The following ATRNL1 variants were observed in gnomAD, a reference collection of about 807,000 sequenced individuals.
ATRNL1 encodes attractin like 1, also known as attractin-like protein 1.
A neutral mutation model predicts 182.7 loss-of-function variants in ATRNL1; 95 were observed. The ratio of observed to expected loss-of-function variants is 0.52; its 90% confidence interval spans 0.44 to 0.62. The LOEUF is 0.62. Ranked by LOEUF, ATRNL1 falls within the 20% of genes least tolerant of loss-of-function variation. The pLI is 0.00. For missense variants in ATRNL1, 1,471 were observed against 1,679.5 expected (o/e 0.88, Z 2.17); for synonymous variants, 576 against 568.3 (o/e 1.01, Z -0.19).
chr10:115,728,004 G>A (rs112596924), intron 27 of ATRNL1, among the ~76,000 whole-genome samples: 3 of 150,930 alleles, frequency 2.0e-5, no homozygotes, highest in African/African-American at 4.9e-5. Context: ...GGCCGGGCGC[G>A]GTGGCTCACA....
At chr10:115,414,998 A>T (rs1554960611) in intron 20 of ATRNL1, among the ~76,000 whole-genome samples, 1 of 152,058 alleles carries the variant, frequency 6.6e-6, no homozygotes, top group Non-Finnish European at 1.5e-5. Context: ...CGCTACACTG[A>T]ATAAACTCGT....
At chr10:115,317,120 A>G (rs145587139) in intron 18 of ATRNL1, among the ~76,000 whole-genome samples, 1,961 of 152,272 alleles carry the variant, frequency 0.013, 38 homozygotes, top group African/African-American at 0.044. Context: ...GTCCAGTTTC[A>G]GTTTTCTGCA....
At chr10:115,461,227 A>G (rs1411295147) in intron 21 of ATRNL1, among the ~76,000 whole-genome samples, 2 of 152,096 alleles carry the variant, frequency 1.3e-5, no homozygotes, top group Non-Finnish European at 2.9e-5. Flanking sequence ...TAAAAGTAGC[A>G]GTTTAATGTT....
intron 26 of ATRNL1, among the ~76,000 whole-genome samples, chr10:115,592,988 A>G (rs1266363418): frequency 2.6e-5 from 4 of 152,146 alleles, no homozygotes; most frequent in African/African-American, 7.2e-5. Context: ...TTGTGTCACT[A>G]TAACCACAGA....
At chr10:115,405,350 A>T (rs2134317068) in intron 20 of ATRNL1, among the ~76,000 whole-genome samples, 1 of 152,328 alleles carries the variant, frequency 6.6e-6, no homozygotes, top group South Asian at 2.1e-4. Flanking sequence ...AACTACTGCT[A>T]TACACTAGTA....
At chr10:115,553,742 T>C (rs912221649) in intron 26 of ATRNL1, among the ~76,000 whole-genome samples, 1 of 151,442 alleles carries the variant, frequency 6.6e-6, no homozygotes, top group African/African-American at 2.4e-5. Context: ...GTTCTTTCCT[T>C]CTATACCTGT....
intron 26 of ATRNL1, among the ~76,000 whole-genome samples, chr10:115,574,103 T>G (rs1592875196): frequency 1.3e-5 from 2 of 152,128 alleles, no homozygotes; most frequent in African/African-American, 2.4e-5. Flanking sequence ...TTTGTCTTAC[T>G]TACGATAAAA....
intron 26 of ATRNL1, among the ~76,000 whole-genome samples, chr10:115,696,008 C>T (rs1355096883): frequency 6.6e-6 from 1 of 151,918 alleles, no homozygotes; most frequent in East Asian, 1.9e-4. Flanking sequence ...ACGCCATTCT[C>T]CTGCCTCAGC....
At chr10:115,371,079 C>A (rs1554947921) in intron 19 of ATRNL1, among the ~76,000 whole-genome samples, 2 of 152,164 alleles carry the variant, frequency 1.3e-5, no homozygotes, top group Non-Finnish European at 2.9e-5. Context: ...GGTATTGAGC[C>A]TGTGGGTACA....
At chr10:115,569,618 C>A (rs139588661) in intron 26 of ATRNL1, among the ~76,000 whole-genome samples, 210 of 152,242 alleles carry the variant, frequency 1.4e-3, no homozygotes, top group African/African-American at 4.7e-3. Context: ...TTTTCTTTTT[C>A]TGCAAACTAT....
At chr10:115,302,984 G>A (rs1276595118) in intron 17 of ATRNL1, among the ~76,000 whole-genome samples, 1 of 138,752 alleles carries the variant, frequency 7.2e-6, no homozygotes, top group Non-Finnish European at 1.5e-5. Flanking sequence ...TAATTGGTAT[G>A]TTCAGATTTG....
chr10:115,188,482 C>T lies in ATRNL1; in HGVS notation c.1348+17190C>T, dbSNP rs78992108. Among the ~76,000 whole-genome samples the T allele has an allele frequency of 8.6e-3, 1,312 of 152,100 alleles. 19 individuals are homozygous for T. The highest frequency in any genetic ancestry group is 0.028 in the African/African-American group (1,167 of 41,492). Reference sequence around the variant, plus strand: ...TTAGTCCTGTGGGAAATTTATTTCACTTTAGTTTAGCAATACCTCATAAAC... The same window carrying T: ...TTAGTCCTGTGGGAAATTTATTTCATTTTAGTTTAGCAATACCTCATAAAC... On this transcript the variant is annotated intron_variant, in intron 8 of 28. Coordinates refer to ENST00000355044, the MANE Select transcript of ATRNL1 (RefSeq NM_207303.4).
At chr10:115,917,993 A>T (rs1952924778) in intron 28 of ATRNL1, among the ~76,000 whole-genome samples, 1 of 152,136 alleles carries the variant, frequency 6.6e-6, no homozygotes, top group South Asian at 2.1e-4. Context: ...GATTTGTATC[A>T]TGTTTAAACT....
intron 26 of ATRNL1, among the ~76,000 whole-genome samples, chr10:115,660,616 C>A (rs1378267261): frequency 6.6e-6 from 1 of 151,944 alleles, no homozygotes; most frequent in Admixed American, 6.6e-5. Flanking sequence ...TAAGTAAGGA[C>A]TGAGAAGGGC....
intron 24 of ATRNL1, among the ~76,000 whole-genome samples, chr10:115,495,727 T>C (rs1317999692): frequency 6.6e-6 from 1 of 151,994 alleles, no homozygotes; most frequent in Non-Finnish European, 1.5e-5. Flanking sequence ...TTGCTGAGAA[T>C]TGTTTTATGG....
chr10:115,776,263 G>A (rs7079813), intron 27 of ATRNL1, among the ~76,000 whole-genome samples: 6,251 of 152,188 alleles, frequency 0.041, 427 homozygotes, highest in African/African-American at 0.14. Flanking sequence ...TATATAAAGC[G>A]TATGTTAATC....
At chr10:115,798,149 C>T (rs1396718519) in intron 27 of ATRNL1, among the ~76,000 whole-genome samples, 1 of 152,076 alleles carries the variant, frequency 6.6e-6, no homozygotes, top group Non-Finnish European at 1.5e-5. Flanking sequence ...GATCTCCTGA[C>T]CTTGTGATCC....
intron 13 of ATRNL1, among the ~76,000 whole-genome samples, chr10:115,274,373 CCT>C (rs1852009517): frequency 6.6e-6 from 1 of 152,118 alleles, no homozygotes; most frequent in African/African-American, 2.4e-5. Flanking sequence ...AGACATTCTC[CCT>C]CTTTTTTGTT....
intron 26 of ATRNL1, among the ~76,000 whole-genome samples, chr10:115,602,812 C>G (rs1463072317): frequency 4.7e-5 from 7 of 147,860 alleles, no homozygotes. Context: ...AGAGATCGCG[C>G]CACTGCACTC....
Sources: allele counts gnomAD v4.1 joint callset (sites outside exome capture counted in the v4.1 genomes callset), GRCh38; gene constraint gnomAD v4.1.1; transcripts MANE v1.5; gene names NCBI Gene and HGNC (gene_info 2026-07-23, HGNC 2026-07-21).